Variants in DZANK1 observed in about 807,000 individuals in gnomAD.
DZANK1 encodes double zinc ribbon and ankyrin repeat domains 1, also known as double zinc ribbon and ankyrin repeat-containing protein 1.
In DZANK1, 91 loss-of-function variants were observed where a neutral mutation model predicts 94.5. The observed-to-expected ratio is 0.96, with a 90% CI of 0.81 to 1.15. DZANK1 has a LOEUF of 1.15. Ranked by LOEUF, DZANK1 falls within the 50% of genes most tolerant of loss-of-function variation. DZANK1 has a pLI of 0.00. For synonymous variants in DZANK1, 312 were observed against 325.3 expected, an observed-to-expected ratio of 0.96 and a Z score of 0.44; for missense variants, 903 against 916.4, an observed-to-expected ratio of 0.99 and a Z score of 0.19.
At chr20:18,406,397 C>T (rs577016123) in intron 13 of DZANK1, among the ~76,000 whole-genome samples, 2 of 152,182 alleles carry the variant, frequency 1.3e-5, no homozygotes, top group East Asian at 1.9e-4. Context: ...AGCCGTAAGG[C>T]CCCCCTTCTA....
At chr20:18,417,707 TAAAA>T in intron 10 of DZANK1, among the ~76,000 whole-genome samples, 1 of 152,150 alleles carries the variant, frequency 6.6e-6, no homozygotes, top group African/African-American at 2.4e-5. Context: ...CATCTTTTTT[TAAAA>T]AAAACTACAG....
rs146507149 is a variant in DZANK1, at chr20:18,396,286, T to C, written c.1611+186A>G. 3.5e-3 allele frequency among the ~76,000 whole-genome samples: 529 copies of C among 152,378 alleles called. 6 individuals are homozygous for C. Among genetic ancestry groups the C allele is most frequent in the African/African-American group, 0.012 (508 of 41,590 alleles). ...TACAGAACAACTCCTGTTCTCACTA[T>C]ATCTTCATGTGCCTGTCTGAGGTTT... is the stretch of plus-strand genomic sequence containing the variant. On this transcript the variant is annotated intron_variant, in intron 15 of 20. Coordinates refer to ENST00000262547, the Ensembl canonical transcript of DZANK1.
At chr20:18,403,634 A>G (rs931160036) in intron 13 of DZANK1, among the ~76,000 whole-genome samples, 1 of 152,182 alleles carries the variant, frequency 6.6e-6, no homozygotes, top group Non-Finnish European at 1.5e-5. Context: ...AGAAATAAAC[A>G]GCTAAGAAGA....
In DZANK1 at chr20:18,409,620, T is replaced by G. The variant is rs889926221; in HGVS notation, c.1432+3026A>C. Among the ~76,000 whole-genome samples, 4 of 151,730 alleles carry G rather than the reference T, an allele frequency of 2.6e-5. No individual in the cohort carries two copies. In the East Asian group the frequency reaches 7.7e-4, roughly 29 times the overall value. ...CCATCACCACCAGTAAAGGTAATTA[T>G]GTAATTATAAAAGACATTATAAATG... On this transcript the variant is annotated intron_variant, in intron 13 of 20. Transcript: ENST00000262547.
intron 10 of DZANK1, among the ~76,000 whole-genome samples, chr20:18,419,029 AGACAGGTG>A (rs2057635052): frequency 6.6e-6 from 1 of 152,288 alleles, no homozygotes; most frequent in Admixed American, 6.5e-5. Flanking sequence ...TGGGAGGCCG[AGACAGGTG>A]GATCGCTTGA....
At chr20:18,466,605 A>T (rs931579007) in intron 1 of DZANK1, among the ~76,000 whole-genome samples, 1 of 152,240 alleles carries the variant, frequency 6.6e-6, no homozygotes, top group Non-Finnish European at 1.5e-5. Context: ...TAGTTGAAAA[A>T]TTCTAAATAA....
intron 10 of DZANK1, among the ~76,000 whole-genome samples, chr20:18,424,321 G>A (rs2057927644): frequency 6.6e-6 from 1 of 152,082 alleles, no homozygotes; most frequent in African/African-American, 2.4e-5. Context: ...CAAGCATGGT[G>A]GCAGGCACCT....
intron 13 of DZANK1, among the ~76,000 whole-genome samples, chr20:18,402,047 T>C (rs1273859472): frequency 2.6e-5 from 4 of 152,174 alleles, no homozygotes; most frequent in African/African-American, 9.7e-5. Flanking sequence ...TGACTCCCAC[T>C]AAGGACATCC....
chr20:18,423,352 T>C (rs772382192), intron 10 of DZANK1, among the ~76,000 whole-genome samples: 2 of 152,238 alleles, frequency 1.3e-5, no homozygotes, highest in Non-Finnish European at 2.9e-5. Context: ...ATCAATGTTT[T>C]ATAGTTTTTA....
intron 12 of DZANK1, 138 bp from the exon 13 acceptor site, chr20:18,412,991 C>T (rs1382949346): frequency 2.5e-6 from 2 of 800,310 alleles, no homozygotes; most frequent in African/African-American, 1.7e-5. Context: ...GGTTTTCCAG[C>T]CTTTGCCTCA....
intron 8 of DZANK1, among the ~76,000 whole-genome samples, chr20:18,435,768 A>T (rs947548326): frequency 1.1e-4 from 16 of 152,152 alleles, no homozygotes; most frequent in Non-Finnish European, 2.2e-4. Flanking sequence ...ATAATTAAAA[A>T]AAAAAAAAGC....
chr20:18,404,488 AACAG>A (rs1264257919), intron 13 of DZANK1, among the ~76,000 whole-genome samples: 1 of 152,172 alleles, frequency 6.6e-6, no homozygotes, highest in Non-Finnish European at 1.5e-5. Flanking sequence ...CACTAAAATG[AACAG>A]ACAAACAGAC....
chr20:18,433,646 C>A lies in DZANK1; in HGVS notation c.861+6G>T, dbSNP rs772205444. On this transcript the variant is annotated splice_donor_region_variant and intron_variant, in intron 9 of 20. Coordinates refer to ENST00000262547, the Ensembl canonical transcript of DZANK1. ...TTCATGTTTTTACAGAATCACATTTCATTACCTTCAAGTGGAGGCTTGCCT... is the reference window on the plus strand; with the variant it reads ...TTCATGTTTTTACAGAATCACATTTAATTACCTTCAAGTGGAGGCTTGCCT... 3 of 1,612,004 alleles carry A rather than the reference C, an allele frequency of 1.9e-6. No individual in the cohort carries two copies. Among genetic ancestry groups the A allele is most frequent in the Non-Finnish European group, 2.5e-6 (3 of 1,178,090 alleles).
intron 4 of DZANK1, 29 bp downstream of exon 4, chr20:18,455,218 T>C: frequency 6.5e-7 from 1 of 1,536,378 alleles, no homozygotes; most frequent in Non-Finnish European, 8.9e-7. Context: ...ACAGTGACAA[T>C]CTGAATGGAT....
chr20:18,457,971 T>C (rs1261317585), intron 3 of DZANK1, among the ~76,000 whole-genome samples: 3 of 152,250 alleles, frequency 2.0e-5, no homozygotes, highest in Non-Finnish European at 4.4e-5. Context: ...CTCATACGCA[T>C]TGAAAGCTCA....
Position 18,422,202 on chromosome 20 carries a change from T to G in DZANK1, c.954+4865A>C, listed in dbSNP as rs146140135. ...AGAAGTTTTTCAGTTTAATCCATTT[T>G]GTGTTGATTTTAGTATATGGTGTGA... On this transcript the variant is annotated intron_variant, in intron 10 of 20. Transcript: ENST00000262547. 2.4e-3 allele frequency among the ~76,000 whole-genome samples: 363 copies of G among 152,346 alleles called. 5 individuals carry two copies. The highest frequency in any genetic ancestry group is 0.02 in the Admixed American group (305 of 15,304).
Position 18,398,639 on chromosome 20 carries a change from A to G in DZANK1, c.1433-13T>C. 1.2e-6 allele frequency: 2 copies of G among 1,610,084 alleles called. No homozygotes were observed. The highest frequency in any genetic ancestry group is 1.1e-5 in the South Asian group (1 of 90,994). On this transcript the variant is annotated splice_polypyrimidine_tract_variant and intron_variant, in intron 13 of 20. Coordinates refer to ENST00000262547, the Ensembl canonical transcript of DZANK1. ...CTTCTCCAGTACCCTAAGAAAGAAGAGAAACCCCGCCATCTGGATGATTCT... is the reference window on the plus strand; with the variant it reads ...CTTCTCCAGTACCCTAAGAAAGAAGGGAAACCCCGCCATCTGGATGATTCT...
chr20:18,387,584 GCAGCT>G (rs2048582745), intron 19 of DZANK1, among the ~76,000 whole-genome samples: 3 of 152,210 alleles, frequency 2.0e-5, no homozygotes, highest in Admixed American at 6.5e-5. Context: ...GTGAGGAAGG[GCAGCT>G]CTTGTCCAAA....
intron 18 of DZANK1, 52 bp from the exon 19 acceptor site, chr20:18,389,880 C>G: frequency 6.2e-7 from 1 of 1,605,606 alleles, no homozygotes; most frequent in Non-Finnish European, 8.5e-7. Context: ...CACTCAACAG[C>G]ATCCAGTCGC....
Sources: allele counts gnomAD v4.1 joint callset (sites outside exome capture counted in the v4.1 genomes callset), GRCh38; gene constraint gnomAD v4.1.1; transcripts MANE v1.5; gene names NCBI Gene and HGNC (gene_info 2026-07-23, HGNC 2026-07-21).